LRCH1: variants seen among roughly 807,000 people sequenced by gnomAD.
LRCH1 encodes leucine-rich repeat and calponin homology domain-containing protein 1.
A neutral mutation model predicts 94.9 loss-of-function variants in LRCH1; 23 were observed. The ratio of observed to expected loss-of-function variants is 0.24; its 90% CI spans 0.17 to 0.34. The LOEUF (loss-of-function observed/expected upper bound fraction) is 0.34, where lower values mean the gene tolerates loss of function less well. Among genes scored for constraint, LRCH1 ranks in the 10% least tolerant of loss-of-function variants. The probability of loss-of-function intolerance (pLI) is 1.00; values close to 1 mark genes in which losing one functional copy is unlikely to be tolerated. For synonymous variants in LRCH1, 364 were observed against 354.9 expected, an observed-to-expected ratio of 1.03 and a Z score of -0.29; for missense variants, 790 against 945.9, an observed-to-expected ratio of 0.84 and a Z score of 2.16.
intron 1 of LRCH1, among the ~76,000 whole-genome samples, chr13:46,594,997 A>G (rs2050543644): frequency 6.6e-6 from 1 of 152,012 alleles, no homozygotes; most frequent in Admixed American, 6.6e-5. Flanking sequence ...ACCTTCTCCA[A>G]CTTTCAGGCT....
At chr13:46,699,727 C>T (rs1871367620) in intron 10 of LRCH1, among the ~76,000 whole-genome samples, 1 of 152,122 alleles carries the variant, frequency 6.6e-6, no homozygotes, top group South Asian at 2.1e-4. Flanking sequence ...AACAGCTGGG[C>T]CTGAAGTGAT....
At chr13:46,554,175 C>T (rs2050037020) in intron 1 of LRCH1, among the ~76,000 whole-genome samples, 1 of 152,260 alleles carries the variant, frequency 6.6e-6, no homozygotes, top group Non-Finnish European at 1.5e-5. Context: ...CGTAGCCCAT[C>T]CTGGTGGGGA....
At chr13:46,723,438 G>C in intron 17 of LRCH1, 108 bp downstream of exon 17, 1 of 826,114 alleles carries the variant, frequency 1.2e-6, no homozygotes, top group Non-Finnish European at 1.9e-6. Context: ...AATCTAGCCA[G>C]GTCACTTAGT....
chr13:46,681,148 G>A (rs145590460), intron 3 of LRCH1, among the ~76,000 whole-genome samples: 1 of 152,202 alleles, frequency 6.6e-6, no homozygotes, highest in Admixed American at 6.5e-5. Flanking sequence ...TGTATGGCAA[G>A]GTGGTCAGCT....
At chr13:46,559,995 G>A (rs1395537033) in intron 1 of LRCH1, among the ~76,000 whole-genome samples, 2 of 151,936 alleles carry the variant, frequency 1.3e-5, no homozygotes, top group East Asian at 1.9e-4. Context: ...TGTTGACGTC[G>A]ATTAATTCAG....
At chr13:46,735,851 C>T (rs1428524849) in intron 19 of LRCH1, among the ~76,000 whole-genome samples, 5 of 137,460 alleles carry the variant, frequency 3.6e-5, no homozygotes, top group Non-Finnish European at 7.6e-5. Context: ...GACTGGAGTG[C>T]AGTGGCACGA....
chr13:46,745,978 T>G (rs977334435), downstream of LRCH1, among the ~76,000 whole-genome samples: 3 of 152,126 alleles, frequency 2.0e-5, no homozygotes, highest in African/African-American at 4.8e-5. Context: ...CATCTGACAT[T>G]GAAATTGATG....
intron 1 of LRCH1, among the ~76,000 whole-genome samples, chr13:46,611,570 T>TTC (rs1212082029): frequency 6.6e-6 from 1 of 152,204 alleles, no homozygotes; most frequent in East Asian, 1.9e-4. Flanking sequence ...ACAACTTGAA[T>TTC]ATGTGAGCTT....
At chr13:46,713,284 G>C (rs897793995) in intron 15 of LRCH1, among the ~76,000 whole-genome samples, 2 of 152,064 alleles carry the variant, frequency 1.3e-5, no homozygotes, top group Non-Finnish European at 2.9e-5. Flanking sequence ...GTCTTTCTTT[G>C]TTTTAATATT....
At chr13:46,691,204 G>A (rs2138159590) in intron 7 of LRCH1, among the ~76,000 whole-genome samples, 1 of 152,304 alleles carries the variant, frequency 6.6e-6, no homozygotes, top group East Asian at 1.9e-4. Flanking sequence ...TATTTCCTAA[G>A]TAGCAACAGT....
chr13:46,652,765 G>A (rs1006923119), intron 2 of LRCH1, among the ~76,000 whole-genome samples: 1 of 152,114 alleles, frequency 6.6e-6, no homozygotes, highest in Non-Finnish European at 1.5e-5. Context: ...GGTAGTCCTG[G>A]ATGCAGTAAG....
At chr13:46,706,453 A>G (rs1211559834) in intron 13 of LRCH1, among the ~76,000 whole-genome samples, 2 of 152,216 alleles carry the variant, frequency 1.3e-5, no homozygotes, top group African/African-American at 2.4e-5. Flanking sequence ...GAATTACCCA[A>G]TAGTGGGACA....
chr13:46,686,420 CTT>C (rs1426936758), intron 5 of LRCH1, among the ~76,000 whole-genome samples: 5 of 152,262 alleles, frequency 3.3e-5, no homozygotes, highest in Admixed American at 2.6e-4. Flanking sequence ...GCAGGACCCT[CTT>C]TGCGATGGGG....
chr13:46,731,044 G>T (rs990035155), intron 18 of LRCH1, among the ~76,000 whole-genome samples: 1 of 147,782 alleles, frequency 6.8e-6, no homozygotes, highest in African/African-American at 2.5e-5. Context: ...GAAAGCAAAA[G>T]AAAACAAATC....
At chr13:46,685,789 A>G in intron 4 of LRCH1, 116 bp from the exon 5 acceptor site, 1 of 719,370 alleles carries the variant, frequency 1.4e-6, no homozygotes, top group Non-Finnish European at 2.2e-6. Flanking sequence ...GCCTTTGATT[A>G]TACTCAATTG....
chr13:46,610,057 T>C (rs1211314091), intron 1 of LRCH1, among the ~76,000 whole-genome samples: 1 of 152,208 alleles, frequency 6.6e-6, no homozygotes. Context: ...GTTGGGCCCT[T>C]GTACTGTTCA....
At chr13:46,654,607 T>C (rs1566202825) in intron 2 of LRCH1, among the ~76,000 whole-genome samples, 2 of 152,196 alleles carry the variant, frequency 1.3e-5, no homozygotes, top group Non-Finnish European at 2.9e-5. Context: ...TAGAAGTATA[T>C]AATCAATGCA....
chr13:46,650,396 C>T, intron 2 of LRCH1, 51 bp downstream of exon 2: 1 of 1,464,776 alleles, frequency 6.8e-7, no homozygotes, highest in Non-Finnish European at 9.2e-7. Context: ...AAATAAAAAA[C>T]TTATGCTTTC....
At position 46,613,249 on chromosome 13, in the gene LRCH1, G is replaced by A. The variant is rs1043967669; in HGVS notation, c.308-36952G>A. ...TACTAAAAAGACAAAAATTAGCCGA[G>A]CGTGGTGGCACGTGCCTGTAGTCCC... On this transcript the variant is annotated intron_variant, in intron 1 of 19. Transcript: ENST00000389797. Among the ~76,000 whole-genome samples the A allele has an allele frequency of 2.4e-4, 36 of 152,172 alleles. No individual in the cohort carries two copies. In the Middle Eastern group the frequency reaches 0.01, roughly 43 times the overall value.
Sources: allele counts gnomAD v4.1 joint callset (sites outside exome capture counted in the v4.1 genomes callset), GRCh38; gene constraint gnomAD v4.1.1; transcripts MANE v1.5; gene names NCBI Gene and HGNC (gene_info 2026-07-23, HGNC 2026-07-21).